CACNA1E: variants seen among roughly 807,000 people sequenced by gnomAD.
CACNA1E encodes the protein voltage-dependent R-type calcium channel subunit alpha-1E.
A neutral mutation model predicts 259.2 loss-of-function variants in CACNA1E; 40 were observed. The observed-to-expected ratio is 0.15, with a 90% CI of 0.12 to 0.20. The LOEUF is 0.20. Among genes scored for constraint, CACNA1E ranks in the 10% least tolerant of loss-of-function variants. The probability of loss-of-function intolerance (pLI) is 1.00; values close to 1 mark genes in which losing one functional copy is unlikely to be tolerated. For synonymous variants in CACNA1E, 1,104 were observed against 1,138.5 expected, an observed-to-expected ratio of 0.97 and a Z score of 0.61; for missense variants, 1,874 against 3,040.1, an observed-to-expected ratio of 0.62 and a Z score of 9.02.
intron 27 of CACNA1E, among the ~76,000 whole-genome samples, chr1:181,753,855 C>T (rs917592297): frequency 2.6e-5 from 4 of 152,190 alleles, no homozygotes; most frequent in African/African-American, 7.2e-5. Flanking sequence ...TGAGAGGCCC[C>T]GATGTGACTG....
intron 3 of CACNA1E, among the ~76,000 whole-genome samples, chr1:181,574,331 A>G (rs1171297399): frequency 6.6e-6 from 1 of 152,210 alleles, no homozygotes; most frequent in East Asian, 1.9e-4. Flanking sequence ...ATTAGACTCT[A>G]AATGCTTGAG....
intron 1 of CACNA1E, among the ~76,000 whole-genome samples, chr1:181,359,190 T>C (rs934804974): frequency 6.6e-6 from 1 of 152,202 alleles, no homozygotes; most frequent in Non-Finnish European, 1.5e-5. Flanking sequence ...CATATTGATA[T>C]AAGACACTGT....
intron 1 of CACNA1E, among the ~76,000 whole-genome samples, chr1:181,350,037 C>G (rs898923705): frequency 1.6e-4 from 24 of 152,070 alleles, no homozygotes; most frequent in African/African-American, 5.6e-4. Flanking sequence ...GGGTGTTGCA[C>G]CCTGTGACCC....
intron 25 of CACNA1E, among the ~76,000 whole-genome samples, chr1:181,747,584 T>G (rs1418538224): frequency 3.3e-5 from 5 of 152,172 alleles, no homozygotes; most frequent in African/African-American, 1.2e-4. Flanking sequence ...GGAATTGTCC[T>G]TAGATTTTAA....
At chr1:181,593,690 C>A (rs923640779) in intron 6 of CACNA1E, among the ~76,000 whole-genome samples, 1 of 152,238 alleles carries the variant, frequency 6.6e-6, no homozygotes, top group South Asian at 2.1e-4. Context: ...AGGCACCCAC[C>A]ACCACACCCA....
Position 181,456,428 on chromosome 1 carries a change from G to A in CACNA1E, c.435-27316G>A, listed in dbSNP as rs114549198. ...TAAGGAGAGGCTGTGCCTGTTCTGC[G>A]ACCCTCCATGTGATCTGAGGTATTC... On this transcript the variant is annotated intron_variant, in intron 2 of 11. Transcript: ENST00000524607. 7.8e-3 allele frequency among the ~76,000 whole-genome samples: 1,190 copies of A among 152,230 alleles called. 17 individuals are homozygous for A. The highest frequency in any genetic ancestry group is 0.025 in the African/African-American group (1,047 of 41,518).
chr1:181,532,303 C>G (rs1332569815), intron 3 of CACNA1E, among the ~76,000 whole-genome samples: 2 of 152,208 alleles, frequency 1.3e-5, no homozygotes, highest in Non-Finnish European at 2.9e-5. Flanking sequence ...CTCTTTTCCC[C>G]TCTCCCCACT....
chr1:181,461,795 A>G (rs1023136645), intron 2 of CACNA1E, among the ~76,000 whole-genome samples: 3 of 152,114 alleles, frequency 2.0e-5, no homozygotes, highest in Non-Finnish European at 2.9e-5. Context: ...GGAAATTACA[A>G]AAGTATTTTA....
At chr1:181,769,967 T>C (rs1659361010) in intron 35 of CACNA1E, among the ~76,000 whole-genome samples, 2 of 152,198 alleles carry the variant, frequency 1.3e-5, no homozygotes, top group Admixed American at 6.5e-5. Flanking sequence ...TTCTTCTCTT[T>C]CCATTCTTCT....
chr1:181,576,367 G>A (rs866558149), intron 3 of CACNA1E, among the ~76,000 whole-genome samples: 10 of 152,314 alleles, frequency 6.6e-5, no homozygotes, highest in Middle Eastern at 3.4e-3. Flanking sequence ...ACATGAAGCC[G>A]TCCGCTTGGC....
intron 1 of CACNA1E, among the ~76,000 whole-genome samples, chr1:181,403,658 G>A (rs770834601): frequency 3.9e-5 from 6 of 152,178 alleles, no homozygotes; most frequent in Admixed American, 6.5e-5. Flanking sequence ...TTTGTAGAAT[G>A]TGGAGTATTT....
intron 1 of CACNA1E, among the ~76,000 whole-genome samples, chr1:181,321,097 C>G (rs1447318770): frequency 2.0e-5 from 3 of 152,120 alleles, no homozygotes; most frequent in Admixed American, 2.0e-4. Flanking sequence ...CTCTTTCTAA[C>G]AACCAGATCT....
chr1:181,706,497 G>C (rs1171357395), intron 7 of CACNA1E, among the ~76,000 whole-genome samples: 1 of 152,100 alleles, frequency 6.6e-6, no homozygotes. Context: ...TGAATAAATG[G>C]ACACAAAATC....
intron 6 of CACNA1E, among the ~76,000 whole-genome samples, chr1:181,623,929 T>C (rs1443132982): frequency 6.6e-6 from 1 of 152,156 alleles, no homozygotes; most frequent in Non-Finnish European, 1.5e-5. Flanking sequence ...AAAGAATACC[T>C]GAGGCTGGAT....
chr1:181,619,164 T>C (rs887333691), intron 6 of CACNA1E, among the ~76,000 whole-genome samples: 2 of 142,718 alleles, frequency 1.4e-5, no homozygotes, highest in Non-Finnish European at 1.5e-5. Flanking sequence ...GTGCATTAGA[T>C]GGTGATACAG....
intron 3 of CACNA1E, among the ~76,000 whole-genome samples, chr1:181,571,594 T>C (rs1376914121): frequency 6.6e-6 from 1 of 152,326 alleles, no homozygotes; most frequent in African/African-American, 2.4e-5. Context: ...TGACTCAACT[T>C]TGTGTTGGAA....
rs1228277329 is a variant in CACNA1E at position 181,802,397 on chromosome 1, C to G, written c.*3563C>G. ...AAAGAGAAGGCCCCATAATCCACCT[C>G]TCAGCCAGTATCTCCCTTCTTTGCA... On this transcript the variant is annotated 3_prime_UTR_variant, in exon 48 of 48. Coordinates refer to ENST00000367573, the MANE Select transcript of CACNA1E (RefSeq NM_001205293.3). 1 of 152,250 alleles carries G rather than the reference C, an allele frequency of 6.6e-6. No individual in the cohort carries two copies. The highest frequency in any genetic ancestry group is 1.5e-5 in the Non-Finnish European group (1 of 68,078). The allele number at this position is 152,250 out of a possible 1,614,324, so 9.4% of individuals were successfully genotyped here. A position where few individuals can be genotyped will look rare whatever the true frequency, so the allele number is the denominator to read the frequency against.
rs373647895 is a variant in CACNA1E at position 181,733,705 on chromosome 1, G to C, written c.3217G>C (p.Ala1073Pro). 10 of 1,589,538 alleles carry C rather than the reference G, an allele frequency of 6.3e-6. No individual in the cohort carries two copies. The highest frequency in any genetic ancestry group is 7.7e-6 in the Non-Finnish European group (9 of 1,168,266). Residue 1073 changes from alanine (A) to proline (P), a missense_variant, in exon 21 of 48, where the codon GCC becomes CCC. By Grantham distance (27) the Ala-to-Pro change is conservative. Coordinates refer to ENST00000367573, the MANE Select transcript of CACNA1E (RefSeq NM_001205293.3). ...CACCGAGAGCACCAGCGTCACCGTC[G>C]CCATCCCCGACGTGGACCCCTTGGT... is the stretch of plus-strand genomic sequence containing the variant. ...ATTESTSVTV[A>P]IPDVDPLVDS...
chr1:181,448,415 G>T (rs762452464), intron 2 of CACNA1E, among the ~76,000 whole-genome samples: 2 of 152,198 alleles, frequency 1.3e-5, no homozygotes, highest in South Asian at 2.1e-4. Flanking sequence ...GCTAGTAAAC[G>T]TAGGAGTCAG....
Sources: allele counts gnomAD v4.1 joint callset (sites outside exome capture counted in the v4.1 genomes callset), GRCh38; gene constraint gnomAD v4.1.1; transcripts MANE v1.5; gene names NCBI Gene and HGNC (gene_info 2026-07-23, HGNC 2026-07-21).